RMND5B: variants seen among roughly 807,000 people sequenced by gnomAD.
The protein encoded by RMND5B is required for meiotic nuclear division 5 homolog B.
Under a neutral mutation model 50.4 loss-of-function variants are expected in RMND5B, and 42 were observed. The ratio of observed to expected loss-of-function variants is 0.83; its 90% CI spans 0.65 to 1.08. The LOEUF (loss-of-function observed/expected upper bound fraction) is 1.08, where lower values mean the gene tolerates loss of function less well. RMND5B is among the 50% of genes least tolerant of loss of function. The pLI is 0.00. For missense variants in RMND5B, 463 were observed against 508.5 expected (o/e 0.91, Z 0.86); for synonymous variants, 220 against 210.0 (o/e 1.05, Z -0.41).
intron 7 of RMND5B, among the ~76,000 whole-genome samples, chr5:178,144,946 A>C (rs559666005): frequency 6.6e-6 from 1 of 152,202 alleles, no homozygotes; most frequent in Non-Finnish European, 1.5e-5. Flanking sequence ...AGTCTCACCT[A>C]TGCTTACAAG....
In RMND5B at chr5:178,149,809, G is replaced by C. The variant is rs2113463130; in HGVS notation, c.*1777G>C. On this transcript the variant is annotated 3_prime_UTR_variant, in exon 11 of 11. Transcript: ENST00000313386. ...GCTTGACCATTATCACACAGGTGGG[G>C]CGCTTGGAGCCTGCGGCTGCACCCA... 1 of 1,613,902 alleles carries C rather than the reference G, an allele frequency of 6.2e-7. No individual in the cohort carries two copies.
chr5:178,146,257 G>C lies in RMND5B; in HGVS notation c.838G>C (p.Val280Leu). ...RDACSLLGLSVESPLSVSFAS... is the reference protein window; with the variant it reads ...RDACSLLGLSLESPLSVSFAS... ...CGCCTGTTCCCTGCTGGGGCTTTCT[G>C]TGGAGTCCCCCCTTAGCGTCAGGTA... Residue 280 changes from valine to leucine, a missense_variant, in exon 8 of 11, where the codon GTG (valine) becomes CTG (leucine). By Grantham distance (32) the Val-to-Leu change is conservative. Transcript: ENST00000313386. 1 of 1,614,182 alleles carries C rather than the reference G, an allele frequency of 6.2e-7. No homozygotes were observed. The highest frequency in any genetic ancestry group is 8.5e-7 in the Non-Finnish European group (1 of 1,180,012).
rs930873496 is a variant in RMND5B at position 178,138,394 on chromosome 5, C to T, written c.139+136C>T. On this transcript the variant is annotated intron_variant, in intron 3 of 10. Coordinates refer to ENST00000313386, the MANE Select transcript of RMND5B (RefSeq NM_022762.5). This position sits in a 1 kb window ranked among gnomAD's most constrained non-coding sequence, Gnocchi z 5.1. Reference sequence around the variant, plus strand: ...CTGCATCTGTAGGCCTCCTTGAAACCGGGTAATGACAGTCTCTGAGCTACT... The same window carrying T: ...CTGCATCTGTAGGCCTCCTTGAAACTGGGTAATGACAGTCTCTGAGCTACT... The T allele has an allele frequency of 3.5e-6, 5 of 1,417,762 alleles. No individual in the cohort carries two copies. Among genetic ancestry groups the T allele is most frequent in the South Asian group, 1.6e-5 (1 of 63,714 alleles). 87.8% of individuals were successfully genotyped at this position (1,417,762 alleles called of 1,614,324 possible). A position where few individuals can be genotyped will look rare whatever the true frequency, so the allele number is the denominator to read the frequency against.
At chr5:178,135,287 C>T (rs1758562294) in intron 2 of RMND5B, 1 of 225,716 alleles carries the variant, frequency 4.4e-6, no homozygotes, top group Non-Finnish European at 9.7e-6. Flanking sequence ...GGAGCTGGGA[C>T]CACAGGCGTG....
At chr5:178,140,985 T>C (rs1282666939) in intron 3 of RMND5B, among the ~76,000 whole-genome samples, 1 of 152,242 alleles carries the variant, frequency 6.6e-6, no homozygotes, top group Non-Finnish European at 1.5e-5. Flanking sequence ...TCCTGCTTTG[T>C]CATTCTTTAT....
chr5:178,144,157 T>G, intron 7 of RMND5B, 49 bp downstream of exon 7: 1 of 1,585,648 alleles, frequency 6.3e-7, no homozygotes, highest in Non-Finnish European at 8.6e-7. Context: ...GACACATGTC[T>G]GGATGTGGTA....
intron 7 of RMND5B, 116 bp from the exon 8 acceptor site, chr5:178,145,998 G>A (rs1755980704): frequency 1.9e-6 from 2 of 1,073,604 alleles, no homozygotes; most frequent in African/African-American, 1.6e-5. Context: ...TCTCCTCAGG[G>A]GCTTGGGAGC....
chr5:178,150,395 T>C lies in RMND5B; in HGVS notation c.*2363T>C, dbSNP rs1236150458. 3.8e-6 allele frequency: 1 copy of C among 263,718 alleles called. No individual in the cohort carries two copies. The highest frequency in any genetic ancestry group is 7.5e-6 in the Non-Finnish European group (1 of 132,780). 16.3% of individuals were successfully genotyped at this position (263,718 alleles called of 1,614,324 possible). On this transcript the variant is annotated 3_prime_UTR_variant, in exon 11 of 11. Transcript: ENST00000313386. ...CACCCCCAGCCTCTATTTTTTTTTT[T>C]TGAGACAGGGCCTCACTCTGTCATG...
At position 178,148,997 on chromosome 5, in the gene RMND5B, A is replaced by G. The variant is rs1756188300; in HGVS notation, c.*965A>G. On this transcript the variant is annotated 3_prime_UTR_variant, in exon 11 of 11. Transcript: ENST00000313386. ...GCCTCTGACAGCAGGAAGGGGCCCC[A>G]AGTCTAAAATACTTGAAGGGATTGG... is the stretch of plus-strand genomic sequence containing the variant. 2 of 152,276 alleles carry G rather than the reference A, an allele frequency of 1.3e-5. No individual in the cohort carries two copies. The highest frequency in any genetic ancestry group is 4.1e-4 in the South Asian group (2 of 4,830). The allele number at this position is 152,276 out of a possible 1,614,324, so 9.4% of individuals were successfully genotyped here.
In RMND5B at chr5:178,148,199, G is replaced by C. The variant is rs770424847; in HGVS notation, c.*167G>C. ...AGCCCTTTGGCAGAGGCTGAGGAGG[G>C]AGATGGACCAGCCCACGCCTGGCAC... On this transcript the variant is annotated 3_prime_UTR_variant, in exon 11 of 11. Transcript: ENST00000313386. 3.0e-6 allele frequency: 2 copies of C among 675,942 alleles called. No individual in the cohort carries two copies. Among genetic ancestry groups the C allele is most frequent in the East Asian group, 5.4e-5 (2 of 37,016 alleles). The allele number at this position is 675,942 out of a possible 1,614,324, so 41.9% of individuals were successfully genotyped here.
rs11956603 is a variant in RMND5B, at chr5:178,142,747, C to G, written c.285+19C>G. 2.3e-3 allele frequency: 3,770 copies of G among 1,614,232 alleles called. 89 individuals are homozygous for G. The African/African-American group carries it at 0.039, about 17-fold the overall frequency. On this transcript the variant is annotated intron_variant, in intron 4 of 10. Transcript: ENST00000313386. ...TGACAGGGTGAGCACGTGGCCGGCTCCAGGCGTGGGGTGGGAGCACCCTGA... is the reference window on the plus strand; with the variant it reads ...TGACAGGGTGAGCACGTGGCCGGCTGCAGGCGTGGGGTGGGAGCACCCTGA...
Position 178,137,391 on chromosome 5 carries a change from CTA to C in RMND5B, c.-12-715_-12-714del, listed in dbSNP as rs1758672767. Among the ~76,000 whole-genome samples, 1 of 152,118 alleles carries C rather than the reference CTA, an allele frequency of 6.6e-6. No individual in the cohort carries two copies. The highest frequency in any genetic ancestry group is 6.5e-5 in the Admixed American group (1 of 15,282). ...CTGTAAGAATGTGGCCATAATAACT[CTA>C]TGAAAATACACGGGCCGGGCATGGT... is the stretch of plus-strand genomic sequence containing the variant. On this transcript the variant is annotated intron_variant, in intron 2 of 10. Coordinates refer to ENST00000313386, the MANE Select transcript of RMND5B (RefSeq NM_022762.5). The surrounding 1 kb of genome is among the most constrained non-coding windows in gnomAD (Gnocchi z 4.4).
In RMND5B at chr5:178,147,397, G is replaced by A; in HGVS notation, c.861-136G>A. 4.7e-6 allele frequency: 3 copies of A among 641,020 alleles called. No individual in the cohort carries two copies. The African/African-American group carries it at 5.5e-5, about 12-fold the overall frequency. The allele number at this position is 641,020 out of a possible 1,614,324, so 39.7% of individuals were successfully genotyped here. ...TGTGACATCTTATGAACAATGTGAGGGATCTTTGAGGACCGATTTGACCGT... is the reference window on the plus strand; with the variant it reads ...TGTGACATCTTATGAACAATGTGAGAGATCTTTGAGGACCGATTTGACCGT... On this transcript the variant is annotated intron_variant, in intron 8 of 10. Coordinates refer to ENST00000313386, the MANE Select transcript of RMND5B (RefSeq NM_022762.5).
rs757385990 is a variant in RMND5B, at chr5:178,143,001, G to A, written c.426+9G>A. 1.3e-5 allele frequency: 21 copies of A among 1,605,722 alleles called. No individual in the cohort carries two copies. The South Asian group carries it at 1.4e-4, about 11-fold the overall frequency. On this transcript the variant is annotated intron_variant, in intron 5 of 10. Coordinates refer to ENST00000313386, the MANE Select transcript of RMND5B (RefSeq NM_022762.5). Reference sequence around the variant, plus strand: ...CCGAGGAGCTGTGCCAGGTACAGTCGGGCTGGGCGGGCGCAACAACCTGCC... The same window carrying A: ...CCGAGGAGCTGTGCCAGGTACAGTCAGGCTGGGCGGGCGCAACAACCTGCC...
Position 178,137,881 on chromosome 5 carries a change from C to T in RMND5B, c.-12-227C>T, listed in dbSNP as rs191489692. Among the ~76,000 whole-genome samples, 196 of 152,242 alleles carry T rather than the reference C, an allele frequency of 1.3e-3. 1 individual carries two copies. The highest frequency in any genetic ancestry group is 2.5e-3 in the Non-Finnish European group (170 of 68,010). On this transcript the variant is annotated intron_variant, in intron 2 of 10. Coordinates refer to ENST00000313386, the MANE Select transcript of RMND5B (RefSeq NM_022762.5). This position sits in a 1 kb window ranked among gnomAD's most constrained non-coding sequence, Gnocchi z 4.4. ...TTCTCACCATGATTAAGAAAAACCT[C>T]GTCCTCACACCAGCCTGCATCCTCC...
At chr5:178,134,214 G>A (rs1284324739) in intron 2 of RMND5B, among the ~76,000 whole-genome samples, 1 of 152,212 alleles carries the variant, frequency 6.6e-6, no homozygotes, top group East Asian at 1.9e-4. Flanking sequence ...AGGTTATGAA[G>A]CAGAAAAGGA....
At chr5:178,140,223 C>T (rs1478057106) in intron 3 of RMND5B, among the ~76,000 whole-genome samples, 1 of 152,086 alleles carries the variant, frequency 6.6e-6, no homozygotes, top group Non-Finnish European at 1.5e-5. Context: ...GCCCAGGCTG[C>T]AGTGCAGTGG....
intron 8 of RMND5B, chr5:178,147,302 T>A: frequency 1.7e-6 from 1 of 572,040 alleles, no homozygotes; most frequent in South Asian, 2.1e-5. Context: ...TAGGAAGTCT[T>A]CCCTGTAGGT....
chr5:178,135,493 T>C (rs960670553), intron 2 of RMND5B, among the ~76,000 whole-genome samples: 2 of 152,242 alleles, frequency 1.3e-5, no homozygotes, highest in Non-Finnish European at 2.9e-5. Context: ...CTCAGTGCCA[T>C]GTGTGGAGCT....
Sources: allele counts gnomAD v4.1 joint callset (sites outside exome capture counted in the v4.1 genomes callset), GRCh38; gene constraint gnomAD v4.1.1; non-coding constraint Gnocchi (gnomAD v3.1); transcripts MANE v1.5; gene names NCBI Gene and HGNC (gene_info 2026-07-23, HGNC 2026-07-21).